APLP1: variants seen among roughly 807,000 people sequenced by gnomAD.
APLP1 encodes amyloid beta precursor like protein 1.
APLP1 carries 46 observed loss-of-function variants against 84.5 expected under a neutral mutation model. That is an observed-to-expected ratio of 0.54 (90% CI 0.43 to 0.70). The LOEUF (loss-of-function observed/expected upper bound fraction) is 0.70. Among genes scored for constraint, APLP1 ranks in the 30% least tolerant of loss-of-function variants. The pLI is 0.00. For synonymous variants in APLP1, 376 were observed against 364.0 expected (o/e 1.03, Z -0.38); for missense variants, 826 against 900.2 (o/e 0.92, Z 1.05).
rs373926480 is a variant in APLP1 at position 35,871,263 on chromosome 19, C to A, written c.451C>A (p.Leu151Met). ...TGGTGAATTTGTGAGTGAGGCCCTGCTGGTGCCTGAAGGCTGCCGGTTCTT... is the reference window on the plus strand; with the variant it reads ...TGGTGAATTTGTGAGTGAGGCCCTGATGGTGCCTGAAGGCTGCCGGTTCTT... ...LPGEFVSEAL[L>M]VPEGCRFLHQ... The change falls in exon 4 of 17, where the codon CTG becomes ATG. Residue 151 changes from leucine to methionine, a missense_variant. Leu to Met is a conservative substitution (Grantham distance 15). This residue lies in a region of APLP1 where 383 missense variants were observed against 378.3 expected (regional missense o/e 1.01). Coordinates refer to ENST00000221891, the MANE Select transcript of APLP1 (RefSeq NM_001024807.3). 1.2e-6 allele frequency: 2 copies of A among 1,613,632 alleles called. No homozygotes were observed. Among genetic ancestry groups the A allele is most frequent in the Non-Finnish European group, 1.7e-6 (2 of 1,179,838 alleles).
rs1423998228 is a variant in APLP1, at chr19:35,873,652, G to T, written c.995G>T (p.Trp332Leu). 6.2e-7 allele frequency: 1 copy of T among 1,614,008 alleles called. No individual in the cohort carries two copies. The highest frequency in any genetic ancestry group is 1.7e-5 in the Admixed American group (1 of 59,990). Residue 332 changes from tryptophan (W) to leucine (L), a missense_variant, in exon 8 of 17, where the codon TGG becomes TTG. Trp to Leu is a moderately conservative substitution (Grantham distance 61). Coordinates refer to ENST00000221891, the MANE Select transcript of APLP1 (RefSeq NM_001024807.3). Reference protein sequence around the residue: ...MRQINEVMREWAMADNQSKNL... With the variant: ...MRQINEVMRELAMADNQSKNL... Reference sequence around the variant, plus strand: ...CTCCCTATGCAGGTGATGCGTGAATGGGCCATGGCAGACAACCAGTCCAAG... The same window carrying T: ...CTCCCTATGCAGGTGATGCGTGAATTGGCCATGGCAGACAACCAGTCCAAG...
rs773821713 is a variant in APLP1 at position 35,874,611 on chromosome 19, C to G, written c.1164C>G (p.Arg388=). 1.2e-6 allele frequency: 2 copies of G among 1,614,000 alleles called. No homozygotes were observed. The highest frequency in any genetic ancestry group is 1.7e-6 in the Non-Finnish European group (2 of 1,180,036). The change falls in exon 9 of 17, where the codon CGC becomes CGG. Residue 388 remains arginine, a synonymous_variant. Transcript: ENST00000221891. The surrounding 1 kb of genome is among the most constrained non-coding windows in gnomAD (Gnocchi z 6.4). The part of the protein sequence containing the change: ...TRVIALINDQ[R]RAALEGFLAA... ...TCATCGCCCTTATCAACGACCAGCG[C>G]CGGGCTGCCTTGGAGGGCTTCCTGG... is the stretch of plus-strand genomic sequence containing the variant.
Position 35,868,635 on chromosome 19 carries a change from A to G in APLP1, c.-2A>G. On this transcript the variant is annotated 5_prime_UTR_variant, in exon 1 of 17. Transcript: ENST00000221891. This position sits in a 1 kb window ranked among gnomAD's most constrained non-coding sequence, Gnocchi z 5.2. The stretch of plus-strand genomic sequence containing the variant: ...GGGACGTGAGGGCGCAAGGGCCGGG[A>G]CATGGGGCCCGCCAGCCCCGCTGCT... 1 of 1,350,124 alleles carries G rather than the reference A, an allele frequency of 7.4e-7. No individual in the cohort carries two copies. Among genetic ancestry groups the G allele is most frequent in the Non-Finnish European group, 9.5e-7 (1 of 1,055,494 alleles). 83.6% of individuals were successfully genotyped at this position (1,350,124 alleles called of 1,614,324 possible). A position where few individuals can be genotyped will look rare whatever the true frequency, so the allele number is the denominator to read the frequency against.
chr19:35,871,419 A>G, intron 4 of APLP1, 70 bp downstream of exon 4: 1 of 1,390,276 alleles, frequency 7.2e-7, no homozygotes, highest in Non-Finnish European at 9.9e-7. Context: ...ACCCTCCGCC[A>G]CCAGAACCGA....
At chr19:35,873,799 C>A in intron 8 of APLP1, 86 bp downstream of exon 8, 2 of 1,262,472 alleles carry the variant, frequency 1.6e-6, no homozygotes, top group Non-Finnish European at 2.3e-6. Context: ...GTGCCCTGCC[C>A]ATCCAGTTCC....
rs1227694988 is a variant in APLP1 at position 35,868,871 on chromosome 19, G to T, written c.147+88G>T. ...CGCGGACATGTCCAGGGCAGAAAGC[G>T]CGGTCTTTCCAGCCAGGTGGTCAGC... On this transcript the variant is annotated intron_variant, in intron 1 of 16. Coordinates refer to ENST00000221891, the MANE Select transcript of APLP1 (RefSeq NM_001024807.3). This position sits in a 1 kb window ranked among gnomAD's most constrained non-coding sequence, Gnocchi z 5.2. The T allele has an allele frequency of 1.7e-6, 2 of 1,190,926 alleles. No homozygotes were observed. The highest frequency in any genetic ancestry group is 1.1e-6 in the Non-Finnish European group (1 of 941,386). The allele number at this position is 1,190,926 out of a possible 1,614,324, so 73.8% of individuals were successfully genotyped here. A position where few individuals can be genotyped will look rare whatever the true frequency, so the allele number is the denominator to read the frequency against.
Position 35,871,463 on chromosome 19 carries a change from G to A in APLP1, c.537+114G>A, listed in dbSNP as rs929954105. ...GGCCACCAGCATCCTCTTCGCACTT[G>A]GGATCTAAGAATTTCATCCCCCAAC... On this transcript the variant is annotated intron_variant, in intron 4 of 16. Coordinates refer to ENST00000221891, the MANE Select transcript of APLP1 (RefSeq NM_001024807.3). 1.1e-5 allele frequency: 15 copies of A among 1,351,802 alleles called. No homozygotes were observed. In the African/African-American group the frequency reaches 2.2e-4, roughly 20 times the overall value. 83.7% of individuals were successfully genotyped at this position (1,351,802 alleles called of 1,614,324 possible).
chr19:35,877,682 C>G, intron 11 of APLP1, 36 bp from the exon 12 acceptor site: 1 of 1,520,870 alleles, frequency 6.6e-7, no homozygotes. Flanking sequence ...CCCCTATGCT[C>G]ACTACCTCAG....
chr19:35,879,029 C>T (rs1319122757), intron 15 of APLP1, 45 bp from the exon 16 acceptor site: 2 of 1,613,248 alleles, frequency 1.2e-6, no homozygotes, highest in Non-Finnish European at 1.7e-6. Flanking sequence ...CAAAGCCACA[C>T]AGGACCCTCA....
intron 12 of APLP1, 78 bp downstream of exon 12, chr19:35,877,903 A>C: frequency 7.2e-7 from 1 of 1,380,310 alleles, no homozygotes; most frequent in Non-Finnish European, 1.0e-6. Flanking sequence ...CTAGAGTCTG[A>C]GGGTGTCTTC....
intron 2 of APLP1, chr19:35,870,060 G>C (rs928266848): frequency 3.5e-5 from 19 of 550,170 alleles, no homozygotes; most frequent in Non-Finnish European, 5.0e-5. Flanking sequence ...AGAGGTGTAG[G>C]GGGGAGTGGC....
intron 13 of APLP1, 148 bp from the exon 14 acceptor site, chr19:35,878,436 C>T: frequency 1.3e-6 from 1 of 778,708 alleles, no homozygotes; most frequent in South Asian, 1.6e-5. Flanking sequence ...GTCCCAGCTG[C>T]TCAGGAGGCT....
intron 15 of APLP1, 46 bp from the exon 16 acceptor site, chr19:35,879,028 A>T: frequency 6.2e-7 from 1 of 1,613,422 alleles, no homozygotes; most frequent in East Asian, 2.2e-5. Flanking sequence ...CCAAAGCCAC[A>T]CAGGACCCTC....
rs754759928 is a variant in APLP1, at chr19:35,869,664, C to G, written c.148-3C>G. ...CCTCACTGTCCTTTCCACTTCCATC[C>G]AGGCCCCGGGGTCGGCCCAGGTGGC... is the stretch of plus-strand genomic sequence containing the variant. On this transcript the variant is annotated splice_polypyrimidine_tract_variant and splice_region_variant and intron_variant, in intron 1 of 16. Transcript: ENST00000221891. The G allele has an allele frequency of 5.3e-5, 86 of 1,610,112 alleles. No individual in the cohort carries two copies. Among genetic ancestry groups the G allele is most frequent in the Non-Finnish European group, 7.0e-5 (83 of 1,178,448 alleles).
chr19:35,879,621 C>T lies in APLP1; in HGVS notation c.*180C>T. On this transcript the variant is annotated 3_prime_UTR_variant, in exon 17 of 17. Transcript: ENST00000221891. Reference sequence around the variant, plus strand: ...TTCCAAAATTCCATCCCTAAGAATTCCCAGATAGTCCCAGCAGCCTCCCCA... The same window carrying T: ...TTCCAAAATTCCATCCCTAAGAATTTCCAGATAGTCCCAGCAGCCTCCCCA... 3.4e-6 allele frequency: 2 copies of T among 594,592 alleles called. No homozygotes were observed. The highest frequency in any genetic ancestry group is 5.9e-6 in the Non-Finnish European group (2 of 339,400). The allele number at this position is 594,592 out of a possible 1,614,324, so 36.8% of individuals were successfully genotyped here.
Position 35,879,506 on chromosome 19 carries a change from A to T in APLP1, c.*65A>T. 2 of 1,419,624 alleles carry T rather than the reference A, an allele frequency of 1.4e-6. No individual in the cohort carries two copies. Among genetic ancestry groups the T allele is most frequent in the Non-Finnish European group, 9.9e-7 (1 of 1,008,706 alleles). 87.9% of individuals were successfully genotyped at this position (1,419,624 alleles called of 1,614,324 possible). A position where few individuals can be genotyped will look rare whatever the true frequency, so the allele number is the denominator to read the frequency against. On this transcript the variant is annotated 3_prime_UTR_variant, in exon 17 of 17. Coordinates refer to ENST00000221891, the MANE Select transcript of APLP1 (RefSeq NM_001024807.3). ...CCTCTTCCTGGAGCCCCAGAACCCC[A>T]ACTCCCAGCCTAGGGCAGCAGGGAG...
At position 35,873,338 on chromosome 19, in the gene APLP1, C is replaced by T. The variant is rs1459979929; in HGVS notation, c.982-301C>T. Among the ~76,000 whole-genome samples, 7 of 151,474 alleles carry T rather than the reference C, an allele frequency of 4.6e-5. No homozygotes were observed. In the East Asian group the frequency reaches 9.7e-4, roughly 21 times the overall value. ...CTCCCACTCACTGCAAGCTCCACCT[C>T]CTGGGTTCACGCCATTCTCCTGCCT... On this transcript the variant is annotated intron_variant, in intron 7 of 16. Coordinates refer to ENST00000221891, the MANE Select transcript of APLP1 (RefSeq NM_001024807.3).
intron 6 of APLP1, 54 bp downstream of exon 6, chr19:35,872,090 T>G (rs1974169727): frequency 1.5e-5 from 24 of 1,566,392 alleles, no homozygotes; most frequent in African/African-American, 2.7e-5. Context: ...GAGAAAGATC[T>G]GGGGGAGTCT....
In APLP1 at chr19:35,870,558, C is replaced by G. The variant is rs1599882021; in HGVS notation, c.292-338C>G. The G allele has an allele frequency of 1.6e-5, 4 of 246,100 alleles. No homozygotes were observed. The South Asian group carries it at 2.1e-4, about 13-fold the overall frequency. The allele number at this position is 246,100 out of a possible 1,614,324, so 15.2% of individuals were successfully genotyped here. On this transcript the variant is annotated intron_variant, in intron 2 of 16. Coordinates refer to ENST00000221891, the MANE Select transcript of APLP1 (RefSeq NM_001024807.3). ...CAGCACTTGGGGAGGCCGAGGCAGG[C>G]GGATCACCTGAGGTCAGAAGTTCGA... is the stretch of plus-strand genomic sequence containing the variant.
Sources: allele counts gnomAD v4.1 joint callset (sites outside exome capture counted in the v4.1 genomes callset), GRCh38; gene constraint gnomAD v4.1.1; regional missense constraint gnomAD v4.1.1; non-coding constraint Gnocchi (gnomAD v3.1); transcripts MANE v1.5; gene names NCBI Gene and HGNC (gene_info 2026-07-23, HGNC 2026-07-21).